Variants in RBL1 observed in about 807,000 individuals in gnomAD.
RBL1 encodes the protein retinoblastoma-like protein 1.
Under a neutral mutation model 123.0 loss-of-function variants are expected in RBL1, and 82 were observed. The observed-to-expected ratio is 0.67, with a 90% CI of 0.56 to 0.80. The LOEUF (loss-of-function observed/expected upper bound fraction) is 0.80, where lower values mean the gene tolerates loss of function less well. Among genes scored for constraint, RBL1 ranks in the 30% least tolerant of loss-of-function variants. The pLI, the probability that RBL1 is intolerant of heterozygous loss-of-function variation, is 0.00. For synonymous variants in RBL1, 405 were observed against 441.3 expected (o/e 0.92, Z 1.03); for missense variants, 1,171 against 1,299.6 (o/e 0.90, Z 1.52).
At chr20:37,031,644 G>A (rs7270126) in intron 16 of RBL1, among the ~76,000 whole-genome samples, 4,562 of 152,314 alleles carry the variant, frequency 0.03, 227 homozygotes, top group African/African-American at 0.1. Context: ...AAATGGTACG[G>A]TGGTTCCTCA....
chr20:37,018,826 T>C (rs550059193), intron 18 of RBL1, among the ~76,000 whole-genome samples: 1 of 139,456 alleles, frequency 7.2e-6, no homozygotes, highest in African/African-American at 2.9e-5. Flanking sequence ...TAGCGCACAG[T>C]TGTAATTCCA....
chr20:37,033,935 T>C (rs1286023329), intron 15 of RBL1, among the ~76,000 whole-genome samples: 1 of 148,860 alleles, frequency 6.7e-6, no homozygotes, highest in Admixed American at 6.8e-5. Flanking sequence ...GCCCCCTTTT[T>C]TTTTTCTTTT....
At chr20:37,033,151 T>C (rs2064542208) in intron 15 of RBL1, among the ~76,000 whole-genome samples, 1 of 150,188 alleles carries the variant, frequency 6.7e-6, no homozygotes, top group Admixed American at 6.7e-5. Context: ...CGCAAATAGC[T>C]GAGACTACAG....
chr20:37,067,890 G>A, intron 3 of RBL1, 96 bp downstream of exon 3: 2 of 1,367,450 alleles, frequency 1.5e-6, no homozygotes, highest in Non-Finnish European at 2.0e-6. Context: ...GTTCTTTGCA[G>A]GAATACTTTT....
At chr20:37,045,590 T>C (rs1427473934) in intron 12 of RBL1, among the ~76,000 whole-genome samples, 1 of 151,862 alleles carries the variant, frequency 6.6e-6, no homozygotes, top group Non-Finnish European at 1.5e-5. Flanking sequence ...GAGTCTCTAT[T>C]GAAAAAAAAG....
chr20:37,062,772 G>A (rs2065116762), intron 7 of RBL1, among the ~76,000 whole-genome samples: 1 of 151,388 alleles, frequency 6.6e-6, no homozygotes, highest in Admixed American at 6.6e-5. Flanking sequence ...TGGCTAACAC[G>A]GTGAAACCCC....
rs1328753773 is a variant in RBL1, at chr20:36,997,558, T to C, written c.*1201A>G. ...TGTGATTTTTAAAAGGTTTAAAATATTCTTAGGGACTCAATTAGATATTGA... is the reference window on the plus strand; with the variant it reads ...TGTGATTTTTAAAAGGTTTAAAATACTCTTAGGGACTCAATTAGATATTGA... On this transcript the variant is annotated 3_prime_UTR_variant, in exon 22 of 22. Coordinates refer to ENST00000373664, the MANE Select transcript of RBL1 (RefSeq NM_002895.5). The C allele has an allele frequency of 6.6e-6, 1 of 152,150 alleles. No homozygotes were observed. Among genetic ancestry groups the C allele is most frequent in the East Asian group, 1.9e-4 (1 of 5,186 alleles). The allele number at this position is 152,150 out of a possible 1,614,324, so 9.4% of individuals were successfully genotyped here. A position where few individuals can be genotyped will look rare whatever the true frequency, so the allele number is the denominator to read the frequency against.
chr20:37,045,440 A>G (rs143400433), intron 12 of RBL1, among the ~76,000 whole-genome samples: 439 of 151,990 alleles, frequency 2.9e-3, no homozygotes, highest in Non-Finnish European at 4.6e-3. Flanking sequence ...CAATGAGCAC[A>G]TATCATTTAT....
At chr20:37,081,835 G>C (rs2065455414) in intron 2 of RBL1, 2 of 356,094 alleles carry the variant, frequency 5.6e-6, no homozygotes, top group Non-Finnish European at 1.1e-5. Context: ...CTTGAACAAA[G>C]TATGAATCTC....
intron 13 of RBL1, among the ~76,000 whole-genome samples, chr20:37,042,072 CAA>C (rs71186100): frequency 8.0e-5 from 7 of 87,024 alleles, no homozygotes; most frequent in Non-Finnish European, 8.4e-5. Context: ...GACTTTGTCT[CAA>C]AAAAAAAAAA....
intron 17 of RBL1, among the ~76,000 whole-genome samples, chr20:37,021,127 T>C (rs181040345): frequency 1.3e-5 from 2 of 152,250 alleles, no homozygotes; most frequent in Non-Finnish European, 2.9e-5. Flanking sequence ...CTTACAGTGA[T>C]GATTCTCAAT....
chr20:37,071,614 C>G (rs2065282466), intron 2 of RBL1, among the ~76,000 whole-genome samples: 1 of 152,122 alleles, frequency 6.6e-6, no homozygotes, highest in Non-Finnish European at 1.5e-5. Flanking sequence ...CATGAACATG[C>G]TACTGCCTGG....
At chr20:37,056,046 A>G in intron 10 of RBL1, 100 bp downstream of exon 10, 1 of 1,480,514 alleles carries the variant, frequency 6.8e-7, no homozygotes, top group Non-Finnish European at 8.9e-7. Flanking sequence ...CAAAAAAAAA[A>G]AAGAAATAAG....
intron 12 of RBL1, among the ~76,000 whole-genome samples, chr20:37,045,584 C>G (rs909085214): frequency 6.6e-6 from 1 of 151,360 alleles, no homozygotes; most frequent in Non-Finnish European, 1.5e-5. Flanking sequence ...GAAACCGAGT[C>G]TCTATTGAAA....
At chr20:37,053,170 C>T (rs909134852) in intron 11 of RBL1, among the ~76,000 whole-genome samples, 1 of 152,174 alleles carries the variant, frequency 6.6e-6, no homozygotes, top group Non-Finnish European at 1.5e-5. Context: ...ATAACAACAT[C>T]AACCAACAAG....
chr20:37,054,920 GA>G (rs1467046302), intron 11 of RBL1, among the ~76,000 whole-genome samples: 1 of 152,044 alleles, frequency 6.6e-6, no homozygotes, highest in Non-Finnish European at 1.5e-5. Context: ...GAAAGACACA[GA>G]AAAGAGAAAC....
At chr20:37,012,927 C>T (rs1015910625) in intron 19 of RBL1, among the ~76,000 whole-genome samples, 19 of 146,746 alleles carry the variant, frequency 1.3e-4, no homozygotes, top group Admixed American at 4.7e-4. Flanking sequence ...GGGGTTCAGC[C>T]CCCCCGCCAG....
chr20:37,010,758 C>CACAT (rs2064136350), intron 19 of RBL1, among the ~76,000 whole-genome samples: 1 of 143,452 alleles, frequency 7.0e-6, no homozygotes, highest in Non-Finnish European at 1.5e-5. Flanking sequence ...TGGCACATGA[C>CACAT]TATGTGTGTG....
intron 2 of RBL1, among the ~76,000 whole-genome samples, chr20:37,086,687 G>A: frequency 6.6e-6 from 1 of 152,106 alleles, no homozygotes. Flanking sequence ...TTTTGTCCCA[G>A]AAACAAAGAA....
Sources: gnomAD v4.1 joint callset for allele counts (sites outside exome capture counted in the v4.1 genomes callset) on GRCh38, gnomAD v4.1.1 for gene constraint, MANE v1.5 for transcripts, NCBI Gene and HGNC (gene_info 2026-07-23, HGNC 2026-07-21) for gene names.